The following CPEB3 variants were observed in gnomAD, a reference collection of about 807,000 sequenced individuals.
The protein encoded by CPEB3 is cytoplasmic polyadenylation element binding protein 3, also known as cytoplasmic polyadenylation element-binding protein 3.
A neutral mutation model predicts 67.2 loss-of-function variants in CPEB3; 20 were observed. That is an observed-to-expected ratio of 0.30 (90% CI 0.21 to 0.43). CPEB3 has a LOEUF of 0.43. Among genes scored for constraint, CPEB3 ranks in the 20% least tolerant of loss-of-function variants. The pLI is 1.00. For missense variants in CPEB3, 746 were observed against 968.6 expected, an observed-to-expected ratio of 0.77 and a Z score of 3.05; for synonymous variants, 376 against 393.1, an observed-to-expected ratio of 0.96 and a Z score of 0.51.
intron 2 of CPEB3, among the ~76,000 whole-genome samples, chr10:92,227,485 T>C (rs1851033654): frequency 6.6e-6 from 1 of 152,218 alleles, no homozygotes; most frequent in Admixed American, 6.5e-5. Flanking sequence ...AATTCCTTAA[T>C]AGCTATATGG....
chr10:92,231,805 C>T lies in CPEB3; in HGVS notation c.1005+7541G>A, dbSNP rs1413517220. 3.9e-5 allele frequency among the ~76,000 whole-genome samples: 6 copies of T among 152,116 alleles called. No individual in the cohort carries two copies. The East Asian group carries it at 7.7e-4, about 20-fold the overall frequency. On this transcript the variant is annotated intron_variant, in intron 2 of 9. Coordinates refer to ENST00000265997, the MANE Select transcript of CPEB3 (RefSeq NM_014912.5). ...CGCGATCTCGGCTCACTGCAACCTC[C>T]GCCTCCCGGGTTCAAGTGATTCTCC... is the stretch of plus-strand genomic sequence containing the variant.
At chr10:92,186,158 G>C (rs2134124666) in intron 3 of CPEB3, among the ~76,000 whole-genome samples, 1 of 147,480 alleles carries the variant, frequency 6.8e-6, no homozygotes, top group Non-Finnish European at 1.5e-5. Context: ...GATCGCTTGA[G>C]CTCAGGAGTT....
chr10:92,094,808 GACACAC>G (rs10654734), intron 7 of CPEB3, among the ~76,000 whole-genome samples: 30 of 145,718 alleles, frequency 2.1e-4, no homozygotes, highest in East Asian at 4.0e-4. Flanking sequence ...AGATTCTAAT[GACACAC>G]ACACACACAC....
intron 1 of CPEB3, among the ~76,000 whole-genome samples, chr10:92,254,976 G>A (rs1349033706): frequency 6.6e-6 from 1 of 151,526 alleles, no homozygotes; most frequent in East Asian, 1.9e-4. Flanking sequence ...GCAAAGTGTT[G>A]GGATTACAGG....
intron 6 of CPEB3, among the ~76,000 whole-genome samples, chr10:92,121,806 C>T (rs1181059883): frequency 6.6e-6 from 1 of 152,176 alleles, no homozygotes; most frequent in Non-Finnish European, 1.5e-5. Flanking sequence ...GACAGACAGG[C>T]AGCTCTCTCC....
chr10:92,083,923 G>A (rs1417591198), intron 8 of CPEB3, among the ~76,000 whole-genome samples: 2 of 152,006 alleles, frequency 1.3e-5, no homozygotes, highest in African/African-American at 4.8e-5. Flanking sequence ...GTGGCTCACG[G>A]CTATAATCCC....
At chr10:92,286,774 AT>A (rs1214103863) in intron 1 of CPEB3, among the ~76,000 whole-genome samples, 1 of 152,192 alleles carries the variant, frequency 6.6e-6, no homozygotes, top group African/African-American at 2.4e-5. Context: ...ACCTAAAAAT[AT>A]TATACCATTT....
intron 2 of CPEB3, among the ~76,000 whole-genome samples, chr10:92,228,036 A>G (rs1194178022): frequency 6.6e-6 from 1 of 151,958 alleles, no homozygotes; most frequent in African/African-American, 2.4e-5. Flanking sequence ...ACAGACGTGC[A>G]CCACCACACC....
intron 3 of CPEB3, among the ~76,000 whole-genome samples, chr10:92,189,428 G>A (rs1194398946): frequency 1.3e-5 from 2 of 152,136 alleles, no homozygotes; most frequent in Non-Finnish European, 2.9e-5. Context: ...GCAGTTTCTA[G>A]TGCCAGGGAC....
chr10:92,207,234 C>T (rs73318005), intron 2 of CPEB3, among the ~76,000 whole-genome samples: 11,935 of 152,164 alleles, frequency 0.078, 1,548 homozygotes, highest in African/African-American at 0.27. Context: ...CTGCCCCCAT[C>T]GGCCTCCCAA....
chr10:92,226,443 C>T (rs1850978271), intron 2 of CPEB3, among the ~76,000 whole-genome samples: 1 of 152,194 alleles, frequency 6.6e-6, no homozygotes, highest in South Asian at 2.1e-4. Context: ...ACCAGCTAAA[C>T]GTTTTAATTA....
At chr10:92,217,220 A>T (rs1850464965) in intron 2 of CPEB3, among the ~76,000 whole-genome samples, 1 of 137,980 alleles carries the variant, frequency 7.2e-6, no homozygotes. Flanking sequence ...AAAAAAAAAA[A>T]AAAAAAAAAA....
At chr10:92,111,358 T>C (rs1449917113) in intron 6 of CPEB3, among the ~76,000 whole-genome samples, 164 bp from the exon 7 acceptor site, 1 of 152,248 alleles carries the variant, frequency 6.6e-6, no homozygotes, top group Non-Finnish European at 1.5e-5. Context: ...TAGGTGCTCA[T>C]TGATATTACC....
intron 6 of CPEB3, among the ~76,000 whole-genome samples, chr10:92,121,122 C>T (rs193220067): frequency 0.015 from 2,211 of 151,988 alleles, 55 homozygotes; most frequent in African/African-American, 0.05. Context: ...GATTCTCCTG[C>T]CTCAGCCTCC....
chr10:92,062,917 G>A (rs936869009), intron 9 of CPEB3, among the ~76,000 whole-genome samples: 4 of 152,186 alleles, frequency 2.6e-5, no homozygotes, highest in Non-Finnish European at 4.4e-5. Context: ...AAGGAGATGA[G>A]AACTACCTAT....
At chr10:92,137,458 C>A in intron 6 of CPEB3, 1 of 1,212,032 alleles carries the variant, frequency 8.3e-7, no homozygotes, top group Non-Finnish European at 1.2e-6. Context: ...ATTCCAAAAG[C>A]TCAACAGCAA....
Position 92,145,093 on chromosome 10 carries a change from G to C in CPEB3, c.1223-8C>G, listed in dbSNP as rs767986466. ...TATCATCCAGGAAGGCATCTTCAAA[G>C]GGAAAGAGAGAAGATCGACCTGAAA... On this transcript the variant is annotated splice_polypyrimidine_tract_variant and splice_region_variant and intron_variant, in intron 4 of 9. Coordinates refer to ENST00000265997, the MANE Select transcript of CPEB3 (RefSeq NM_014912.5). The C allele has an allele frequency of 2.0e-5, 33 of 1,613,628 alleles. No individual in the cohort carries two copies. Among genetic ancestry groups the C allele is most frequent in the East Asian group, 1.3e-4 (6 of 44,884 alleles).
At chr10:92,237,225 AT>A (rs1251319603) in intron 2 of CPEB3, among the ~76,000 whole-genome samples, 14 of 152,210 alleles carry the variant, frequency 9.2e-5, no homozygotes, top group African/African-American at 3.4e-4. Context: ...TGATCCTAAA[AT>A]TGCTCCAAAA....
chr10:92,227,156 C>T (rs1851015392), intron 2 of CPEB3, among the ~76,000 whole-genome samples: 1 of 152,134 alleles, frequency 6.6e-6, no homozygotes, highest in South Asian at 2.1e-4. Flanking sequence ...ACTGCACTCC[C>T]CTCTTGGTTA....
Sources: allele counts gnomAD v4.1 joint callset (sites outside exome capture counted in the v4.1 genomes callset), GRCh38; gene constraint gnomAD v4.1.1; transcripts MANE v1.5; gene names NCBI Gene and HGNC (gene_info 2026-07-23, HGNC 2026-07-21).